Variants in EYS observed in about 807,000 individuals in gnomAD.
EYS encodes the protein EGF-like photoreceptor maintenance factor.
A neutral mutation model predicts 282.1 loss-of-function variants in EYS; 250 were observed. The ratio of observed to expected loss-of-function variants is 0.89; its 90% confidence interval spans 0.80 to 0.98. The LOEUF is 0.98. Among genes scored for constraint, EYS ranks in the 50% least tolerant of loss-of-function variants. The pLI, the probability that EYS is intolerant of heterozygous loss-of-function variation, is 0.00. For synonymous variants in EYS, 1,355 were observed against 1,282.9 expected (o/e 1.06, Z -1.20); for missense variants, 4,016 against 3,709.0 (o/e 1.08, Z -2.15).
chr6:65,180,141 G>T (rs1765337653), intron 12 of EYS, among the ~76,000 whole-genome samples: 1 of 151,898 alleles, frequency 6.6e-6, no homozygotes. Flanking sequence ...TTTGAAAACG[G>T]GCACAAGACA....
intron 5 of EYS, among the ~76,000 whole-genome samples, chr6:65,417,580 C>T (rs2150374592): frequency 6.6e-6 from 1 of 152,084 alleles, no homozygotes; most frequent in Middle Eastern, 3.4e-3. Context: ...TGTGGGCCAT[C>T]AGGTCTCTTG....
chr6:64,151,350 T>A (rs1170222721), intron 31 of EYS, among the ~76,000 whole-genome samples: 2 of 120,820 alleles, frequency 1.7e-5, no homozygotes, highest in Non-Finnish European at 3.3e-5. Context: ...TATATATATA[T>A]ATATATATAT....
intron 13 of EYS, among the ~76,000 whole-genome samples, chr6:65,034,825 A>C (rs1372317882): frequency 6.6e-6 from 1 of 152,104 alleles, no homozygotes; most frequent in Non-Finnish European, 1.5e-5. Flanking sequence ...TATTCCAAAA[A>C]ATTTGAGGAG....
At chr6:64,989,404 TATATATATATATGA>T (rs1770973996) in intron 14 of EYS, among the ~76,000 whole-genome samples, 1 of 123,642 alleles carries the variant, frequency 8.1e-6, no homozygotes, top group Non-Finnish European at 1.7e-5. Flanking sequence ...AATATATATA[TATATATATATATGA>T]ATATATATGA....
At chr6:64,517,957 T>C (rs1777615442) in intron 26 of EYS, among the ~76,000 whole-genome samples, 1 of 151,856 alleles carries the variant, frequency 6.6e-6, no homozygotes, top group South Asian at 2.1e-4. Flanking sequence ...TGCCTATGTT[T>C]CATTCAGGTG....
At chr6:65,429,916 T>C (rs768349442) in intron 5 of EYS, among the ~76,000 whole-genome samples, 1 of 152,232 alleles carries the variant, frequency 6.6e-6, no homozygotes, top group Non-Finnish European at 1.5e-5. Flanking sequence ...TTTAGTTTAC[T>C]ACGCCAAGCA....
At chr6:64,147,174 CT>C (rs923698324) in intron 31 of EYS, among the ~76,000 whole-genome samples, 33 of 151,948 alleles carry the variant, frequency 2.2e-4, no homozygotes, top group Admixed American at 1.1e-3. Context: ...CTTTGCTATT[CT>C]TTTTTTTAGT....
At chr6:64,829,452 G>T (rs749941598) in intron 19 of EYS, among the ~76,000 whole-genome samples, 6 of 151,962 alleles carry the variant, frequency 3.9e-5, no homozygotes, top group Admixed American at 6.6e-5. Context: ...AGCCTTTCTT[G>T]CTTCTCCTGC....
intron 12 of EYS, among the ~76,000 whole-genome samples, chr6:65,222,198 T>C (rs1198851791): frequency 1.3e-5 from 2 of 152,126 alleles, no homozygotes; most frequent in Non-Finnish European, 2.9e-5. Context: ...ATTTTGAAAC[T>C]TGAGTGCATG....
intron 30 of EYS, among the ~76,000 whole-genome samples, chr6:64,284,732 G>C (rs6916796): frequency 0.69 from 104,329 of 152,000 alleles, 35,837 homozygotes; most frequent in South Asian, 0.71. Flanking sequence ...CCCAATTCTT[G>C]ACTTTTCTGC....
intron 2 of EYS, among the ~76,000 whole-genome samples, chr6:65,509,059 G>A (rs1766767865): frequency 6.6e-6 from 1 of 152,198 alleles, no homozygotes; most frequent in Non-Finnish European, 1.5e-5. Flanking sequence ...TCAGGACCCA[G>A]AGGTACCCAA....
chr6:63,738,373 G>T (rs1229983436), intron 41 of EYS, among the ~76,000 whole-genome samples: 1 of 152,018 alleles, frequency 6.6e-6, no homozygotes, highest in Non-Finnish European at 1.5e-5. Flanking sequence ...TTAAGAAAAT[G>T]TGGCACATAT....
intron 36 of EYS, among the ~76,000 whole-genome samples, chr6:63,848,639 G>A (rs1354106601): frequency 6.6e-6 from 1 of 152,038 alleles, no homozygotes; most frequent in African/African-American, 2.4e-5. Context: ...ACGAGGGATG[G>A]TGCTATCTGG....
At chr6:65,444,124 C>G (rs1768560345) in intron 5 of EYS, among the ~76,000 whole-genome samples, 1 of 151,934 alleles carries the variant, frequency 6.6e-6, no homozygotes, top group Non-Finnish European at 1.5e-5. Context: ...AAATTGCTGT[C>G]AAGGAAACAG....
chr6:65,697,681 A>G (rs1769503144), intron 1 of EYS, among the ~76,000 whole-genome samples: 1 of 81,392 alleles, frequency 1.2e-5, no homozygotes, highest in Admixed American at 1.3e-4. Flanking sequence ...TAGAATTTAA[A>G]AACAACTAAT....
Position 63,789,182 on chromosome 6 carries a change from C to T in EYS, c.7454G>A (p.Gly2485Asp), listed in dbSNP as rs560012389. 2.3e-5 allele frequency: 36 copies of T among 1,551,850 alleles called. No homozygotes were observed. In the South Asian group the frequency reaches 3.4e-4, roughly 15 times the overall value. The change falls in exon 38 of 43, where the codon GGC (glycine) becomes GAC (aspartate). Residue 2485 changes from glycine (G) to aspartate (D), a missense_variant. Physicochemically the swap from Gly to Asp is moderately conservative, Grantham distance 94. Coordinates refer to ENST00000503581, the MANE Select transcript of EYS (RefSeq NM_001142800.2). ...CAGGTTATAACTATAAACCACACTGCCATTGAGCAGGCCCACAGCCAGGAA... is the reference window on the plus strand; with the variant it reads ...CAGGTTATAACTATAAACCACACTGTCATTGAGCAGGCCCACAGCCAGGAA... ...DDFLAVGLLN[G>D]SVVYSYNLGS...
chr6:64,274,032 G>A (rs1033981741), intron 30 of EYS, among the ~76,000 whole-genome samples: 1 of 152,172 alleles, frequency 6.6e-6, no homozygotes, highest in African/African-American at 2.4e-5. Context: ...TTCTGCTTAT[G>A]ACCCAGTGAT....
chr6:65,214,325 C>A (rs1220719920), intron 12 of EYS, among the ~76,000 whole-genome samples: 1 of 152,016 alleles, frequency 6.6e-6, no homozygotes, highest in African/African-American at 2.4e-5. Flanking sequence ...TAGTGAAACA[C>A]CCTTATTACT....
intron 41 of EYS, among the ~76,000 whole-genome samples, chr6:63,738,376 G>A (rs887074273): frequency 2.0e-5 from 3 of 151,932 alleles, no homozygotes; most frequent in Non-Finnish European, 4.4e-5. Flanking sequence ...AGAAAATGTG[G>A]CACATATACA....
Sources: gnomAD v4.1 joint callset for allele counts (sites outside exome capture counted in the v4.1 genomes callset) on GRCh38, gnomAD v4.1.1 for gene constraint, MANE v1.5 for transcripts, NCBI Gene and HGNC (gene_info 2026-07-23, HGNC 2026-07-21) for gene names.